Variants in ALDH1B1 observed in about 807,000 individuals in gnomAD.
ALDH1B1 encodes the protein aldehyde dehydrogenase 1 family member B1, also known as aldehyde dehydrogenase family 1 member B1, mitochondrial.
In ALDH1B1, 19 loss-of-function variants were observed where a neutral mutation model predicts 26.2. The observed-to-expected ratio is 0.72, with a 90% CI of 0.51 to 1.06. The LOEUF is 1.06. Among genes scored for constraint, ALDH1B1 ranks in the 50% least tolerant of loss-of-function variants. The pLI is 0.00. For synonymous variants in ALDH1B1, 249 were observed against 286.0 expected (o/e 0.87, Z 1.31); for missense variants, 671 against 683.1 (o/e 0.98, Z 0.20).
rs1821297099 is a variant in ALDH1B1 at position 38,396,630 on chromosome 9, G to A, written c.882G>A (p.Val294=). ...TGGGTGGTAAGAGCCCCAGCATCGT[G>A]CTGGCCGATGCTGACATGGAGCATG... ...LELGGKSPSI[V]LADADMEHAV... The change falls in exon 2 of 2, where the codon GTG becomes GTA. Residue 294 remains valine (V), a synonymous_variant. Transcript: ENST00000377698. 1.2e-6 allele frequency: 2 copies of A among 1,614,000 alleles called. No homozygotes were observed. Among genetic ancestry groups the A allele is most frequent in the Non-Finnish European group, 1.7e-6 (2 of 1,180,022 alleles).
Position 38,392,707 on chromosome 9 carries a change from C to G in ALDH1B1, c.-110C>G, listed in dbSNP as rs1821213389. 1.0e-6 allele frequency: 1 copy of G among 985,532 alleles called. No individual in the cohort carries two copies. The highest frequency in any genetic ancestry group is 1.7e-5 in the African/African-American group (1 of 57,362). The allele number at this position is 985,532 out of a possible 1,614,324, so 61.0% of individuals were successfully genotyped here. On this transcript the variant is annotated 5_prime_UTR_variant, in exon 1 of 2. Transcript: ENST00000377698. ...CGCTGAGCCCCGGGCTGCGCGGAGGCGGGACCTGCGGCCAGCCCTGGGCGG... is the reference window on the plus strand; with the variant it reads ...CGCTGAGCCCCGGGCTGCGCGGAGGGGGGACCTGCGGCCAGCCCTGGGCGG...
chr9:38,393,264 A>G (rs1821222489), intron 1 of ALDH1B1, among the ~76,000 whole-genome samples: 1 of 152,158 alleles, frequency 6.6e-6, no homozygotes, highest in African/African-American at 2.4e-5. Flanking sequence ...GTCTGGGGTG[A>G]GGCTCCTATA....
rs1436908482 is a variant in ALDH1B1, at chr9:38,397,170, C to T, written c.1422C>T (p.Asn474=). 1 of 1,614,184 alleles carries T rather than the reference C, an allele frequency of 6.2e-7. No individual in the cohort carries two copies. The highest frequency in any genetic ancestry group is 8.5e-7 in the Non-Finnish European group (1 of 1,180,038). The change falls in exon 2 of 2, where the codon AAC becomes AAT. Residue 474 remains asparagine (N), a synonymous_variant. Coordinates refer to ENST00000377698, the MANE Select transcript of ALDH1B1 (RefSeq NM_000692.5). ...GGACCGTGTGGGTAAACACCTACAA[C>T]ATCGTCACCTGCCACACGCCATTTG... The part of the protein sequence containing the change: ...QAGTVWVNTY[N]IVTCHTPFGG...
At chr9:38,394,646 G>C in intron 1 of ALDH1B1, 1 of 985,302 alleles carries the variant, frequency 1.0e-6, no homozygotes, top group Non-Finnish European at 1.2e-6. Flanking sequence ...TGAGTTTTTT[G>C]TTCCTCTCCC....
rs370376254 is a variant in ALDH1B1, at chr9:38,397,099, C to T, written c.1351C>T (p.Arg451Trp). 3.8e-5 allele frequency: 62 copies of T among 1,614,054 alleles called. No individual in the cohort carries two copies. The highest frequency in any genetic ancestry group is 5.1e-5 in the Non-Finnish European group (60 of 1,180,038). The change falls in exon 2 of 2, where the codon CGG becomes TGG. Residue 451 changes from arginine (R) to tryptophan (W), a missense_variant. Physicochemically the swap from Arg to Trp is moderately radical, Grantham distance 101. Coordinates refer to ENST00000377698, the MANE Select transcript of ALDH1B1 (RefSeq NM_000692.5). ...TGGCCTGGCTGCGGCTGTGTTCACC[C>T]GGGATCTGGACAAGGCCATGTACTT... ...RYGLAAAVFT[R>W]DLDKAMYFTQ... is the part of the protein sequence containing the mutation.
At position 38,396,495 on chromosome 9, in the gene ALDH1B1, C is replaced by G; in HGVS notation, c.747C>G (p.Ile249Met). The G allele has an allele frequency of 1.2e-6, 2 of 1,613,966 alleles. No individual in the cohort carries two copies. Among genetic ancestry groups the G allele is most frequent in the Non-Finnish European group, 1.7e-6 (2 of 1,179,964 alleles). The change falls in exon 2 of 2, where the codon ATC (isoleucine) becomes ATG (methionine). Residue 249 changes from isoleucine to methionine, a missense_variant. Physicochemically the swap from Ile to Met is conservative, Grantham distance 10. Transcript: ENST00000377698. ...TGYGPTAGAA[I>M]AQHVDVDKVA... ...ATGGCCCAACAGCAGGTGCGGCCAT[C>G]GCCCAGCACGTGGATGTTGACAAAG... is the stretch of plus-strand genomic sequence containing the variant.
Position 38,397,672 on chromosome 9 carries a change from C to G in ALDH1B1, c.*370C>G, listed in dbSNP as rs1414481699. On this transcript the variant is annotated 3_prime_UTR_variant, in exon 2 of 2. Coordinates refer to ENST00000377698, the MANE Select transcript of ALDH1B1 (RefSeq NM_000692.5). Reference sequence around the variant, plus strand: ...GATGGTTTAGTGGATCGACTCAACTCAGAACACAAGCTTGGAAAGTGTTAG... The same window carrying G: ...GATGGTTTAGTGGATCGACTCAACTGAGAACACAAGCTTGGAAAGTGTTAG... 3 of 205,214 alleles carry G rather than the reference C, an allele frequency of 1.5e-5. No homozygotes were observed. The highest frequency in any genetic ancestry group is 3.2e-5 in the Non-Finnish European group (3 of 92,432). 12.7% of individuals were successfully genotyped at this position (205,214 alleles called of 1,614,324 possible).
chr9:38,396,691 A>C lies in ALDH1B1; in HGVS notation c.943A>C (p.Met315Leu), dbSNP rs368716066. The change falls in exon 2 of 2, where the codon ATG (methionine) becomes CTG (leucine). Residue 315 changes from methionine to leucine, a missense_variant. Physicochemically the swap from Met to Leu is conservative, Grantham distance 15. Coordinates refer to ENST00000377698, the MANE Select transcript of ALDH1B1 (RefSeq NM_000692.5). ...EQCHEALFFN[M>L]GQCCCAGSRT... ...GTGCCACGAAGCCCTGTTCTTCAAC[A>C]TGGGCCAGTGCTGCTGTGCTGGCTC... 2 of 1,614,064 alleles carry C rather than the reference A, an allele frequency of 1.2e-6. No homozygotes were observed. The highest frequency in any genetic ancestry group is 1.7e-6 in the Non-Finnish European group (2 of 1,180,034).
Position 38,396,796 on chromosome 9 carries a change from A to C in ALDH1B1, c.1048A>C (p.Asn350His). 6.2e-7 allele frequency: 1 copy of C among 1,614,240 alleles called. No homozygotes were observed. The highest frequency in any genetic ancestry group is 8.5e-7 in the Non-Finnish European group (1 of 1,180,050). Residue 350 changes from asparagine (N) to histidine (H), a missense_variant, in exon 2 of 2, where the codon AAC (asparagine) becomes CAC (histidine). Transcript: ENST00000377698. ...GAAAGCAAAGCAGAGGAAAGTGGGG[A>C]ACCCCTTTGAGCTGGACACCCAGCA... ...VEKAKQRKVG[N>H]PFELDTQQGP...
rs746462015 is a variant in ALDH1B1 at position 38,397,298 on chromosome 9, C to G, written c.1550C>G (p.Ser517Trp). Reference sequence around the variant, plus strand: ...ACCATCAAGGTTCCTCAGAAGAACTCGTAAGAGCAGCTGTCAGGGAGGCCC... The same window carrying G: ...ACCATCAAGGTTCCTCAGAAGAACTGGTAAGAGCAGCTGTCAGGGAGGCCC... ...TVTIKVPQKN[S>W] The change falls in exon 2 of 2, where the codon TCG (serine) becomes TGG (tryptophan). Residue 517 changes from serine (S) to tryptophan (W), a missense_variant. Physicochemically the swap from Ser to Trp is radical, Grantham distance 177. Transcript: ENST00000377698. 2 of 1,606,654 alleles carry G rather than the reference C, an allele frequency of 1.2e-6. No individual in the cohort carries two copies. The highest frequency in any genetic ancestry group is 1.7e-5 in the Admixed American group (1 of 59,632).
Position 38,397,690 on chromosome 9 carries a change from A to G in ALDH1B1, c.*388A>G, listed in dbSNP as rs1483118135. ...CTCAACTCAGAACACAAGCTTGGAA[A>G]GTGTTAGGGGTTTTGAACTAGGTGG... On this transcript the variant is annotated 3_prime_UTR_variant, in exon 2 of 2. Transcript: ENST00000377698. 1 of 189,728 alleles carries G rather than the reference A, an allele frequency of 5.3e-6. No homozygotes were observed. The highest frequency in any genetic ancestry group is 1.2e-5 in the Non-Finnish European group (1 of 82,612). The allele number at this position is 189,728 out of a possible 1,614,324, so 11.8% of individuals were successfully genotyped here. A position where few individuals can be genotyped will look rare whatever the true frequency, so the allele number is the denominator to read the frequency against.
Position 38,396,618 on chromosome 9 carries a change from C to T in ALDH1B1, c.870C>T (p.Ser290=), listed in dbSNP as rs1408873071. The change falls in exon 2 of 2, where the codon AGC becomes AGT. Residue 290 remains serine, a synonymous_variant. Coordinates refer to ENST00000377698, the MANE Select transcript of ALDH1B1 (RefSeq NM_000692.5). ...TCACCCTGGAGCTGGGTGGTAAGAG[C>T]CCCAGCATCGTGCTGGCCGATGCTG... ...KRVTLELGGK[S]PSIVLADADM... is the part of the protein sequence containing the mutation. 1 of 1,613,916 alleles carries T rather than the reference C, an allele frequency of 6.2e-7. No individual in the cohort carries two copies. Among genetic ancestry groups the T allele is most frequent in the African/African-American group, 1.3e-5 (1 of 74,930 alleles).
At position 38,398,561 on chromosome 9, in the gene ALDH1B1, C is replaced by T. The variant is rs1252775796; in HGVS notation, c.*1259C>T. The T allele has an allele frequency of 1.2e-5, 2 of 161,728 alleles. No individual in the cohort carries two copies. The highest frequency in any genetic ancestry group is 1.9e-4 in the East Asian group (1 of 5,188). The allele number at this position is 161,728 out of a possible 1,614,324, so 10.0% of individuals were successfully genotyped here. A position where few individuals can be genotyped will look rare whatever the true frequency, so the allele number is the denominator to read the frequency against. On this transcript the variant is annotated 3_prime_UTR_variant, in exon 2 of 2. Transcript: ENST00000377698. ...AACTCCTGACCTCAGGTGATCCACC[C>T]GCCTCAGCCTCCCAAAGTGCTGGGA...
At chr9:38,395,676 C>A in intron 1 of ALDH1B1, 64 bp from the exon 2 acceptor site, 1 of 1,511,350 alleles carries the variant, frequency 6.6e-7, no homozygotes. Context: ...AGCTGGTGGG[C>A]CCTTGGGTAC....
At position 38,396,071 on chromosome 9, in the gene ALDH1B1, T is replaced by C; in HGVS notation, c.323T>C (p.Leu108Pro). Residue 108 changes from leucine (L) to proline (P), a missense_variant, in exon 2 of 2, where the codon CTG becomes CCG. By Grantham distance (98) the Leu-to-Pro change is moderately conservative. Coordinates refer to ENST00000377698, the MANE Select transcript of ALDH1B1 (RefSeq NM_000692.5). ...ASERGRLLNR[L>P]ADLVERDRVY... ...GAGCGGGGCCGGCTGCTGAACCGCC[T>C]GGCAGACCTAGTGGAGCGGGATCGA... 6.2e-7 allele frequency: 1 copy of C among 1,614,136 alleles called. No homozygotes were observed. The highest frequency in any genetic ancestry group is 8.5e-7 in the Non-Finnish European group (1 of 1,179,994).
intron 1 of ALDH1B1, among the ~76,000 whole-genome samples, chr9:38,394,283 G>A (rs1254675608): frequency 6.6e-6 from 1 of 152,094 alleles, no homozygotes; most frequent in African/African-American, 2.4e-5. Context: ...TTCTTGGTCA[G>A]CATTGATTAT....
intron 1 of ALDH1B1, among the ~76,000 whole-genome samples, chr9:38,393,801 C>T (rs1299869210): frequency 6.6e-6 from 1 of 150,680 alleles, no homozygotes; most frequent in African/African-American, 2.4e-5. Context: ...ATCTTTTATT[C>T]TTTAATTCTT....
In ALDH1B1 at chr9:38,397,056, G is replaced by A; in HGVS notation, c.1308G>A (p.Arg436=). Residue 436 remains arginine, a synonymous_variant, in exon 2 of 2, where the codon AGG becomes AGA. Transcript: ENST00000377698. ...AGAAGATTGAGGAGGTGGTTGAGAG[G>A]GCCAACAACACCAGGTATGGCCTGG... ...KFKKIEEVVE[R]ANNTRYGLAA... 1 of 1,614,144 alleles carries A rather than the reference G, an allele frequency of 6.2e-7. No homozygotes were observed. The highest frequency in any genetic ancestry group is 1.1e-5 in the South Asian group (1 of 91,070).
In ALDH1B1 at chr9:38,395,733, T is replaced by A. The variant is rs1337488864; in HGVS notation, c.-9-7T>A. 1 of 1,567,226 alleles carries A rather than the reference T, an allele frequency of 6.4e-7. No individual in the cohort carries two copies. The highest frequency in any genetic ancestry group is 1.7e-4 in the Middle Eastern group (1 of 5,830). ...TGTTCACCCTGGTTTCTTTTGTCCC[T>A]CTCCAGAGTGTCAGCATGCTGCGCT... is the stretch of plus-strand genomic sequence containing the variant. On this transcript the variant is annotated splice_polypyrimidine_tract_variant and splice_region_variant and intron_variant, in intron 1 of 1. Coordinates refer to ENST00000377698, the MANE Select transcript of ALDH1B1 (RefSeq NM_000692.5).
Sources: allele counts gnomAD v4.1 joint callset (sites outside exome capture counted in the v4.1 genomes callset), GRCh38; gene constraint gnomAD v4.1.1; transcripts MANE v1.5; gene names NCBI Gene and HGNC (gene_info 2026-07-23, HGNC 2026-07-21).